TREM1: variants seen among roughly 807,000 people sequenced by gnomAD.
TREM1 encodes triggering receptor expressed on monocytes 1.
Under a neutral mutation model 22.4 loss-of-function variants are expected in TREM1, and 16 were observed. The ratio of observed to expected loss-of-function variants is 0.71; its 90% confidence interval spans 0.48 to 1.08. TREM1 has a LOEUF of 1.08. Among genes scored for constraint, TREM1 ranks in the 50% least tolerant of loss-of-function variants. The pLI, the probability that TREM1 is intolerant of heterozygous loss-of-function variation, is 0.00. For synonymous variants in TREM1, 110 were observed against 111.6 expected, an observed-to-expected ratio of 0.99 and a Z score of 0.09; for missense variants, 283 against 282.9, an observed-to-expected ratio of 1.00 and a Z score of 0.00.
intron 1 of TREM1, among the ~76,000 whole-genome samples, chr6:41,284,020 C>T (rs958711105): frequency 4.6e-5 from 7 of 151,086 alleles, no homozygotes; most frequent in East Asian, 1.9e-4. Context: ...AAAAAACCCA[C>T]GTTATCTGAG....
chr6:41,283,717 A>ACACACAC (rs576199081), intron 1 of TREM1, among the ~76,000 whole-genome samples: 17 of 123,850 alleles, frequency 1.4e-4, no homozygotes, highest in African/African-American at 2.8e-4. Context: ...GTTAAAAAAA[A>ACACACAC]AAACACACAC....
intron 3 of TREM1, 108 bp downstream of exon 3, chr6:41,280,850 TCTC>T: frequency 6.4e-7 from 1 of 1,558,330 alleles, no homozygotes; most frequent in South Asian, 1.2e-5. Flanking sequence ...ACTCAAGTCT[TCTC>T]CTGCCCCACC....
Position 41,282,547 on chromosome 6 carries a change from A to G in TREM1, c.254T>C (p.Ile85Thr). The G allele has an allele frequency of 6.2e-7, 1 of 1,613,972 alleles. No homozygotes were observed. The highest frequency in any genetic ancestry group is 8.5e-7 in the Non-Finnish European group (1 of 1,180,010). The change falls in exon 2 of 4, where the codon ATC (isoleucine) becomes ACC (threonine). Residue 85 changes from isoleucine (I) to threonine (T), a missense_variant. Transcript: ENST00000244709. ...ATGATCATGGTAGTCTTCTAGTATG[A>G]TCCTCCCCACTTGGACTGGATGGGA... ...KNSHPVQVGR[I>T]ILEDYHDHGL...
chr6:41,283,713 A>ACAC (rs1768030850), intron 1 of TREM1, among the ~76,000 whole-genome samples: 2 of 136,964 alleles, frequency 1.5e-5, no homozygotes, highest in African/African-American at 6.5e-5. Flanking sequence ...CTCTGTTAAA[A>ACAC]AAAAAAACAC....
rs1241353546 is a variant in TREM1, at chr6:41,274,186, G to T, written c.*1939C>A. Among the ~76,000 whole-genome samples the T allele has an allele frequency of 6.6e-6, 1 of 152,216 alleles. No homozygotes were observed. The highest frequency in any genetic ancestry group is 1.5e-5 in the Non-Finnish European group (1 of 68,028). The stretch of plus-strand genomic sequence containing the variant: ...TGTCTGGATGAATCTGTATGAATGT[G>T]TCATGGGCTTTGGTAAGGAGTGTAA... On this transcript the variant is annotated 3_prime_UTR_variant, in exon 4 of 4. Transcript: ENST00000244709.
At chr6:41,272,800 T>C (rs1767520161), downstream of TREM1, among the ~76,000 whole-genome samples, 3 of 152,136 alleles carry the variant, frequency 2.0e-5, no homozygotes, top group Non-Finnish European at 4.4e-5. Context: ...GTAACCACCA[T>C]GGATTGAAGT....
At chr6:41,281,765 G>T (rs1481545007) in intron 2 of TREM1, 1 of 159,698 alleles carries the variant, frequency 6.3e-6, no homozygotes, top group East Asian at 1.9e-4. Context: ...TGCTAGGGGT[G>T]CAGAGCCCAG....
chr6:41,281,168 A>T lies in TREM1; in HGVS notation c.407-15T>A. 1 of 1,611,242 alleles carries T rather than the reference A, an allele frequency of 6.2e-7. No individual in the cohort carries two copies. Reference sequence around the variant, plus strand: ...CCCTGAAAAACCTGCAAGAAGACACATTGGATGGATGGATGGACAGATGGA... The same window carrying T: ...CCCTGAAAAACCTGCAAGAAGACACTTTGGATGGATGGATGGACAGATGGA... On this transcript the variant is annotated splice_polypyrimidine_tract_variant and intron_variant, in intron 2 of 3. Coordinates refer to ENST00000244709, the MANE Select transcript of TREM1 (RefSeq NM_018643.5).
In TREM1 at chr6:41,280,696, G is replaced by A. The variant is rs1376662255; in HGVS notation, c.599+265C>T. The A allele has an allele frequency of 2.1e-6, 3 of 1,423,738 alleles. No individual in the cohort carries two copies. In the African/African-American group the frequency reaches 4.3e-5, roughly 20 times the overall value. The allele number at this position is 1,423,738 out of a possible 1,614,324, so 88.2% of individuals were successfully genotyped here. A position where few individuals can be genotyped will look rare whatever the true frequency, so the allele number is the denominator to read the frequency against. On this transcript the variant is annotated intron_variant, in intron 3 of 3. Coordinates refer to ENST00000244709, the MANE Select transcript of TREM1 (RefSeq NM_018643.5). ...ATGAGCTCCACTGGAACTTGGGGAA[G>A]ATGCCATTTCCCTCTCTTTAATACT...
chr6:41,286,291 A>T (rs1768165072), intron 1 of TREM1, among the ~76,000 whole-genome samples: 1 of 152,218 alleles, frequency 6.6e-6, no homozygotes, highest in Non-Finnish European at 1.5e-5. Context: ...ATAAGAAAAA[A>T]ATTTCAACAT....
intron 3 of TREM1, chr6:41,279,807 A>C: frequency 1.0e-6 from 1 of 985,490 alleles, no homozygotes. Flanking sequence ...AATTGTTTCC[A>C]ATCTTTTGGA....
downstream of TREM1, among the ~76,000 whole-genome samples, chr6:41,268,651 G>A (rs149184247): frequency 7.7e-4 from 117 of 152,316 alleles, no homozygotes; most frequent in African/African-American, 2.7e-3. Context: ...AGAAAAGGGT[G>A]AGGCACTTCC....
intron 1 of TREM1, among the ~76,000 whole-genome samples, chr6:41,283,972 A>T (rs1208041397): frequency 6.6e-6 from 1 of 152,132 alleles, no homozygotes; most frequent in Admixed American, 6.5e-5. Context: ...GGGAGGAAGG[A>T]AGAGGGGGAT....
chr6:41,280,872 T>C, intron 3 of TREM1, 89 bp downstream of exon 3: 1 of 1,596,280 alleles, frequency 6.3e-7, no homozygotes, highest in East Asian at 2.3e-5. Context: ...CCCTCCCCTT[T>C]CCCTCACTTT....
chr6:41,268,170 A>C (rs937215569), intron 3 of TREM1: 5 of 397,792 alleles, frequency 1.3e-5, no homozygotes, highest in Non-Finnish European at 2.2e-5. Context: ...GGCATCCTTT[A>C]TGGTCCCTCT....
intron 3 of TREM1, among the ~76,000 whole-genome samples, chr6:41,279,268 C>T (rs1238463169): frequency 6.6e-6 from 1 of 152,198 alleles, no homozygotes; most frequent in East Asian, 1.9e-4. Flanking sequence ...ACCCAGAAAA[C>T]TTTGTAACTT....
At chr6:41,279,514 GAA>G in intron 3 of TREM1, 3 of 823,538 alleles carry the variant, frequency 3.6e-6, no homozygotes, top group South Asian at 1.1e-4. Flanking sequence ...GAAAGTAGAG[GAA>G]AAAAAAAAAT....
intron 3 of TREM1, chr6:41,280,232 T>G (rs1222084231): frequency 1.1e-5 from 11 of 971,794 alleles, no homozygotes; most frequent in Non-Finnish European, 3.7e-6. Flanking sequence ...CAGTATTTAA[T>G]GATAAACACA....
Position 41,275,839 on chromosome 6 carries a change from T to A in TREM1, c.*286A>T, listed in dbSNP as rs527804479. 4.4e-6 allele frequency: 2 copies of A among 458,260 alleles called. No individual in the cohort carries two copies. The highest frequency in any genetic ancestry group is 8.0e-6 in the Non-Finnish European group (2 of 249,098). The allele number at this position is 458,260 out of a possible 1,614,324, so 28.4% of individuals were successfully genotyped here. A position where few individuals can be genotyped will look rare whatever the true frequency, so the allele number is the denominator to read the frequency against. On this transcript the variant is annotated 3_prime_UTR_variant, in exon 4 of 4. Transcript: ENST00000244709. ...CACAAGAGAATTACGGTGAAAAGCATTGAGCTGTCTGTATTTCATGCCAAC... is the reference window on the plus strand; with the variant it reads ...CACAAGAGAATTACGGTGAAAAGCAATGAGCTGTCTGTATTTCATGCCAAC...
Sources: gnomAD v4.1 joint callset for allele counts (sites outside exome capture counted in the v4.1 genomes callset) on GRCh38, gnomAD v4.1.1 for gene constraint, MANE v1.5 for transcripts, NCBI Gene and HGNC (gene_info 2026-07-23, HGNC 2026-07-21) for gene names.